The following PCDHGA3 variants were observed in gnomAD, a reference collection of about 807,000 sequenced individuals.
PCDHGA3 encodes the protein protocadherin gamma-A3.
Under a neutral mutation model 58.5 loss-of-function variants are expected in PCDHGA3, and 40 were observed. That is an observed-to-expected ratio of 0.68 (90% CI 0.53 to 0.89). PCDHGA3 has a LOEUF of 0.89. Among genes scored for constraint, PCDHGA3 ranks in the 40% least tolerant of loss-of-function variants. PCDHGA3 has a pLI of 0.00. For missense variants in PCDHGA3, 1,223 were observed against 1,195.9 expected (o/e 1.02, Z -0.33); for synonymous variants, 530 against 525.7 (o/e 1.01, Z -0.11).
chr5:141,384,221 A>G, intron 1 of PCDHGA3: 1 of 1,613,936 alleles, frequency 6.2e-7, no homozygotes, highest in Non-Finnish European at 8.5e-7. Flanking sequence ...ATATTCATGC[A>G]GGTGGCAGAC....
chr5:141,375,956 G>C, intron 1 of PCDHGA3: 1 of 1,613,506 alleles, frequency 6.2e-7, no homozygotes, highest in Non-Finnish European at 8.5e-7. Context: ...GCACACGGGC[G>C]AGGTGCGCAC....
intron 1 of PCDHGA3, 110 bp from the exon 2 acceptor site, chr5:141,494,697 T>C: frequency 6.3e-7 from 1 of 1,590,934 alleles, no homozygotes; most frequent in Non-Finnish European, 8.6e-7. Flanking sequence ...TAGTCCGTTT[T>C]CTTCTCTGTG....
chr5:141,366,422 G>A (rs1334545413), intron 1 of PCDHGA3: 6 of 1,614,152 alleles, frequency 3.7e-6, no homozygotes, highest in South Asian at 1.1e-5. Context: ...GGTGGCAGTG[G>A]CTGCAGTCTC....
chr5:141,378,991 T>C (rs530834817), intron 1 of PCDHGA3: 34 of 152,352 alleles, frequency 2.2e-4, no homozygotes, highest in African/African-American at 7.7e-4. Flanking sequence ...AACTACATTA[T>C]AGTCAAGATT....
chr5:141,350,904 G>C, intron 1 of PCDHGA3: 1 of 1,614,054 alleles, frequency 6.2e-7, no homozygotes, highest in East Asian at 2.2e-5. Context: ...ATGGATGGCG[G>C]GGACCCGCCT....
rs1001719735 is a variant in PCDHGA3 at position 141,512,055 on chromosome 5, TGAC to T, written c.*883_*885del. 10 of 152,698 alleles carry T rather than the reference TGAC, an allele frequency of 6.5e-5. No homozygotes were observed. The highest frequency in any genetic ancestry group is 1.4e-4 in the African/African-American group (6 of 41,450). 9.5% of individuals were successfully genotyped at this position (152,698 alleles called of 1,614,324 possible). On this transcript the variant is annotated 3_prime_UTR_variant, in exon 4 of 4. Coordinates refer to ENST00000253812, the MANE Select transcript of PCDHGA3 (RefSeq NM_018916.4). ...GAGGCTCTGTATGTCCTCAGGGGACTGACAACATCCTCCAGATTCCAGCCATAA... is the reference window on the plus strand; with the variant it reads ...GAGGCTCTGTATGTCCTCAGGGGACTAACATCCTCCAGATTCCAGCCATAA...
rs1036779864 is a variant in PCDHGA3 at position 141,379,823 on chromosome 5, T to C, written c.2424+33366T>C. 3.3e-5 allele frequency among the ~76,000 whole-genome samples: 5 copies of C among 150,450 alleles called. No homozygotes were observed. In the East Asian group the frequency reaches 9.7e-4, roughly 29 times the overall value. On this transcript the variant is annotated intron_variant, in intron 1 of 3. Transcript: ENST00000253812. ...GTTTTGAGAGTTCAGTATAGAATTT[T>C]GAAGCATCAGGAAAAAAAACTACCA... is the stretch of plus-strand genomic sequence containing the variant.
rs746487145 is a variant in PCDHGA3 at position 141,505,415 on chromosome 5, G to A, written c.2506G>A (p.Gly836Ser). 7.4e-6 allele frequency: 12 copies of A among 1,614,074 alleles called. No individual in the cohort carries two copies. The East Asian group carries it at 1.3e-4, about 18-fold the overall frequency. Residue 836 changes from glycine to serine, a missense_variant, in exon 3 of 4, where the codon GGC (glycine) becomes AGC (serine). Gly to Ser is a moderately conservative substitution (Grantham distance 56, BLOSUM62 0). Coordinates refer to ENST00000253812, the MANE Select transcript of PCDHGA3 (RefSeq NM_018916.4). ...CAGCTCCCAAAATGGCGATGACACC[G>A]GCACCTGGCCCAACAACCAGTTTGA... ...TSGSQNGDDT[G>S]TWPNNQFDTE...
At chr5:141,401,861 G>A (rs934405271) in intron 1 of PCDHGA3, among the ~76,000 whole-genome samples, 3 of 152,122 alleles carry the variant, frequency 2.0e-5, no homozygotes, top group African/African-American at 7.2e-5. Context: ...TAACCTTTCA[G>A]TAGTTTTCTT....
intron 1 of PCDHGA3, chr5:141,361,692 C>T (rs1321631953): frequency 3.7e-6 from 6 of 1,613,512 alleles, no homozygotes; most frequent in Non-Finnish European, 5.1e-6. Flanking sequence ...CGCAGCGCGC[C>T]TTCGATCATG....
intron 1 of PCDHGA3, chr5:141,372,553 G>T: frequency 6.2e-7 from 1 of 1,613,978 alleles, no homozygotes; most frequent in Non-Finnish European, 8.5e-7. Flanking sequence ...TGCTCCTCCA[G>T]ACCCGCCACT....
intron 1 of PCDHGA3, chr5:141,361,952 A>G (rs748413942): frequency 4.4e-6 from 7 of 1,603,624 alleles, no homozygotes; most frequent in East Asian, 2.2e-5. Context: ...TGGCTGTCCT[A>G]CCACGTGCTG....
At chr5:141,361,288 C>T (rs1213603447) in intron 1 of PCDHGA3, 21 of 1,613,934 alleles carry the variant, frequency 1.3e-5, no homozygotes, top group Non-Finnish European at 1.8e-5. Flanking sequence ...AGTTTACTGC[C>T]AAGTGTTGGG....
chr5:141,442,818 C>A (rs553817796), intron 1 of PCDHGA3, among the ~76,000 whole-genome samples: 1 of 151,882 alleles, frequency 6.6e-6, no homozygotes, highest in Non-Finnish European at 1.5e-5. Context: ...TGTACTGATC[C>A]AAAAATAAGG....
At chr5:141,427,972 C>T (rs1368719718) in intron 1 of PCDHGA3, 1 of 1,593,948 alleles carries the variant, frequency 6.3e-7, no homozygotes, top group South Asian at 1.1e-5. Flanking sequence ...GTGCTGTACC[C>T]CGCGCTGGGG....
intron 1 of PCDHGA3, among the ~76,000 whole-genome samples, chr5:141,460,737 G>GTA (rs1393989215): frequency 2.0e-5 from 3 of 150,700 alleles, no homozygotes; most frequent in East Asian, 1.9e-4. Context: ...TATACACATT[G>GTA]TATATATATG....
chr5:141,366,445 G>C (rs368468540), intron 1 of PCDHGA3: 10 of 1,614,084 alleles, frequency 6.2e-6, no homozygotes, highest in Non-Finnish European at 8.5e-6. Flanking sequence ...GCGTCTTCCT[G>C]GCCTTCGTCA....
At chr5:141,368,431 A>G (rs376859316) in intron 1 of PCDHGA3, among the ~76,000 whole-genome samples, 2 of 152,264 alleles carry the variant, frequency 1.3e-5, no homozygotes, top group African/African-American at 4.8e-5. Flanking sequence ...TCTGACCAAA[A>G]TGTAAAATGT....
rs765535731 is a variant in PCDHGA3, at chr5:141,427,976, G to T, written c.2425-66831G>T. On this transcript the variant is annotated intron_variant, in intron 1 of 3. Transcript: ENST00000253812. ...ATGTGCCGCGGGTGCTGTACCCCGC[G>T]CTGGGGCCCGATGGCTCCGCACTCT... 1.1e-5 allele frequency: 17 copies of T among 1,594,884 alleles called. No individual in the cohort carries two copies. The East Asian group carries it at 1.6e-4, about 15-fold the overall frequency.
Sources: allele counts gnomAD v4.1 joint callset (sites outside exome capture counted in the v4.1 genomes callset), GRCh38; gene constraint gnomAD v4.1.1; transcripts MANE v1.5; gene names NCBI Gene and HGNC (gene_info 2026-07-23, HGNC 2026-07-21).